Variants in IKBKB-DT observed in about 807,000 individuals in gnomAD.
The protein encoded by IKBKB-DT is IKBKB antisense RNA.
chr8:42,260,274 T>C (rs530891622), intron 3 of IKBKB-DT, among the ~76,000 whole-genome samples: 3 of 152,126 alleles, frequency 2.0e-5, no homozygotes, highest in Non-Finnish European at 4.4e-5. Flanking sequence ...CAGGATCAGC[T>C]TGACAGAACA....
intron 2 of IKBKB-DT, among the ~76,000 whole-genome samples, chr8:42,263,886 A>C (rs1807328126): frequency 1.3e-5 from 2 of 152,324 alleles, no homozygotes; most frequent in South Asian, 4.1e-4. Context: ...ATTTTGGCTC[A>C]CTGCAACCTC....
At chr8:42,245,590 C>A (rs573864190) in intron 3 of IKBKB-DT, among the ~76,000 whole-genome samples, 46 of 152,250 alleles carry the variant, frequency 3.0e-4, no homozygotes, top group African/African-American at 1.1e-3. Flanking sequence ...CATTTGACAG[C>A]AAGATAAAGG....
chr8:42,262,285 TA>T (rs1451857939), intron 3 of IKBKB-DT, among the ~76,000 whole-genome samples: 1,082 of 95,980 alleles, frequency 0.011, 15 homozygotes, highest in African/African-American at 0.037. Context: ...AGTATAATAA[TA>T]AAAAAAAAAT....
chr8:42,239,136 G>T (rs886496197), intron 3 of IKBKB-DT, among the ~76,000 whole-genome samples: 2 of 151,980 alleles, frequency 1.3e-5, no homozygotes, highest in Non-Finnish European at 2.9e-5. Context: ...TAAAACACAT[G>T]CTTTAAGTAA....
At chr8:42,235,317 G>C (rs1379573290) in intron 3 of IKBKB-DT, among the ~76,000 whole-genome samples, 1 of 149,430 alleles carries the variant, frequency 6.7e-6, no homozygotes, top group Non-Finnish European at 1.5e-5. Flanking sequence ...TGATTCTCGT[G>C]CCTCAGCCTC....
At chr8:42,270,521 A>G (rs1440456390) in intron 1 of IKBKB-DT, 2 of 152,246 alleles carry the variant, frequency 1.3e-5, no homozygotes, top group African/African-American at 2.4e-5. Context: ...AAGGAAATCT[A>G]AGTACAGAGA....
chr8:42,244,743 T>C (rs1807042635), intron 3 of IKBKB-DT, among the ~76,000 whole-genome samples: 1 of 152,180 alleles, frequency 6.6e-6, no homozygotes, highest in African/African-American at 2.4e-5. Context: ...TATAATTGGG[T>C]CAGGGTTTGG....
At chr8:42,256,867 T>G (rs1296311298) in intron 3 of IKBKB-DT, among the ~76,000 whole-genome samples, 2 of 152,124 alleles carry the variant, frequency 1.3e-5, no homozygotes, top group Non-Finnish European at 2.9e-5. Context: ...AGAAACCACA[T>G]AAGCATGGTG....
At chr8:42,261,985 C>T (rs557041952) in intron 3 of IKBKB-DT, among the ~76,000 whole-genome samples, 22 of 152,298 alleles carry the variant, frequency 1.4e-4, no homozygotes, top group South Asian at 8.3e-4. Flanking sequence ...TTTTAGGACA[C>T]AAAAGGAGAC....
intron 3 of IKBKB-DT, among the ~76,000 whole-genome samples, chr8:42,235,656 C>G (rs563137044): frequency 2.0e-5 from 3 of 152,314 alleles, no homozygotes; most frequent in South Asian, 4.1e-4. Context: ...ACTTTACCGG[C>G]CTGCCCACGA....
At chr8:42,257,630 G>C (rs905114488) in intron 3 of IKBKB-DT, among the ~76,000 whole-genome samples, 1 of 151,870 alleles carries the variant, frequency 6.6e-6, no homozygotes, top group East Asian at 1.9e-4. Context: ...ATTTTTCAAA[G>C]TTGTCAAAAA....
chr8:42,265,143 G>A (rs7827225), intron 2 of IKBKB-DT, among the ~76,000 whole-genome samples: 4 of 152,126 alleles, frequency 2.6e-5, no homozygotes, highest in African/African-American at 7.2e-5. Context: ...GATTACAGGC[G>A]TGAGCCATCG....
Position 42,263,913 on chromosome 8 carries a change from G to A in IKBKB-DT, n.1386-441C>T, listed in dbSNP as rs534184437. Among the ~76,000 whole-genome samples, 73 of 152,322 alleles carry A rather than the reference G, an allele frequency of 4.8e-4. 1 individual carries two copies. Among genetic ancestry groups the A allele is most frequent in the African/African-American group, 1.5e-3 (63 of 41,578 alleles). ...TGCAACCTCTGCCTCCTGGGTTCAA[G>A]CAATTCTCCTGCCTCAGCCTCCTGA... On this transcript the variant is annotated intron_variant and non_coding_transcript_variant, in intron 2 of 3. Transcript: ENST00000518213.
chr8:42,266,259 G>A (rs1186646813), exon 2 of IKBKB-DT: 2 of 152,592 alleles, frequency 1.3e-5, no homozygotes, highest in East Asian at 3.8e-4. Flanking sequence ...GGGTGCTGGG[G>A]AAATCCTCCC....
chr8:42,251,828 C>CA (rs59420104), intron 3 of IKBKB-DT, among the ~76,000 whole-genome samples: 3,635 of 91,236 alleles, frequency 0.04, 197 homozygotes, highest in East Asian at 0.12. Context: ...GACTCCATCT[C>CA]AAAAAAAAAA....
exon 1 of IKBKB-DT, chr8:42,270,969 C>T (rs1254089459): frequency 2.8e-5 from 6 of 216,846 alleles, no homozygotes; most frequent in Non-Finnish European, 9.5e-6. Context: ...CCTAAATCAT[C>T]CCAGCGGGGG....
chr8:42,251,048 C>A (rs531026855), intron 3 of IKBKB-DT, among the ~76,000 whole-genome samples: 30 of 116,880 alleles, frequency 2.6e-4, no homozygotes, highest in African/African-American at 1.7e-3. Context: ...AGCTCGAGAC[C>A]AGCCTGGCCA....
At chr8:42,250,071 TTTTG>T (rs141435991) in intron 3 of IKBKB-DT, among the ~76,000 whole-genome samples, 3,244 of 152,134 alleles carry the variant, frequency 0.021, 119 homozygotes, top group African/African-American at 0.074. Context: ...AACTAGAGGT[TTTTG>T]TTTGTTTGTT....
intron 3 of IKBKB-DT, among the ~76,000 whole-genome samples, chr8:42,234,910 G>A (rs1196372683): frequency 1.3e-5 from 2 of 152,102 alleles, no homozygotes; most frequent in Admixed American, 1.3e-4. Flanking sequence ...GATTACAGGC[G>A]TGAGCAACTG....
Sources: allele counts gnomAD v4.1 joint callset (sites outside exome capture counted in the v4.1 genomes callset), GRCh38; gene constraint gnomAD v4.1.1; transcripts MANE v1.5; gene names NCBI Gene and HGNC (gene_info 2026-07-23, HGNC 2026-07-21).